LTF: variants seen among roughly 807,000 people sequenced by gnomAD.
The protein encoded by LTF is epididymis luminal protein 110.
LTF carries 91 observed loss-of-function variants against 87.2 expected under a neutral mutation model. The observed-to-expected ratio is 1.04, with a 90% CI of 0.88 to 1.24. The LOEUF (loss-of-function observed/expected upper bound fraction) is 1.24. Ranked by LOEUF, LTF falls within the 50% of genes most tolerant of loss-of-function variation. The pLI, the probability that LTF is intolerant of heterozygous loss-of-function variation, is 0.00. For missense variants in LTF, 901 were observed against 904.3 expected, an observed-to-expected ratio of 1.00 and a Z score of 0.05; for synonymous variants, 378 against 356.1, an observed-to-expected ratio of 1.06 and a Z score of -0.69.
At chr3:46,449,152 A>C in intron 8 of LTF, 135 bp from the exon 9 acceptor site, 2 of 723,138 alleles carry the variant, frequency 2.8e-6, no homozygotes, top group South Asian at 2.1e-5. Context: ...GTGGACCCAT[A>C]CCCTCTCCTC....
At chr3:46,441,511 A>G in intron 13 of LTF, 28 bp from the exon 14 acceptor site, 1 of 1,552,662 alleles carries the variant, frequency 6.4e-7, no homozygotes, top group Non-Finnish European at 8.9e-7. Flanking sequence ...ATATACACAT[A>G]ATTACAGAAG....
intron 1 of LTF, among the ~76,000 whole-genome samples, chr3:46,471,766 C>T (rs1703289728): frequency 6.6e-6 from 1 of 152,222 alleles, no homozygotes; most frequent in South Asian, 2.1e-4. Context: ...TGCAGAGAAG[C>T]TGGGACCTAC....
At chr3:46,439,203 G>C (rs1183781889) in intron 15 of LTF, 93 bp downstream of exon 15, 2 of 1,217,922 alleles carry the variant, frequency 1.6e-6, no homozygotes, top group African/African-American at 1.5e-5. Context: ...GACTAGAGAG[G>C]ATCGAGTGGG....
chr3:46,443,659 A>T (rs2106842231), intron 12 of LTF, 77 bp from the exon 13 acceptor site: 1 of 1,501,598 alleles, frequency 6.7e-7, no homozygotes, highest in African/African-American at 1.4e-5. Flanking sequence ...CAGCCGATGC[A>T]GGGTGGTTTC....
intron 2 of LTF, 141 bp downstream of exon 2, chr3:46,459,515 C>T: frequency 4.0e-6 from 3 of 743,148 alleles, no homozygotes; most frequent in South Asian, 9.9e-5. Flanking sequence ...TAGCACAGTT[C>T]CCTGTGAGAG....
intron 12 of LTF, among the ~76,000 whole-genome samples, chr3:46,444,298 C>G (rs1702593609): frequency 6.6e-6 from 1 of 152,196 alleles, no homozygotes; most frequent in African/African-American, 2.4e-5. Context: ...CATACCAGCC[C>G]TAGGCAAACC....
intron 12 of LTF, among the ~76,000 whole-genome samples, chr3:46,444,628 G>A (rs761516152): frequency 4.6e-5 from 7 of 152,208 alleles, no homozygotes; most frequent in Non-Finnish European, 1.0e-4. Flanking sequence ...CCACGTGAAA[G>A]CTGCCTGCCC....
At chr3:46,483,326 T>C (rs1703475842) in intron 1 of LTF, among the ~76,000 whole-genome samples, 1 of 152,192 alleles carries the variant, frequency 6.6e-6, no homozygotes, top group Non-Finnish European at 1.5e-5. Flanking sequence ...TGCATACATG[T>C]GTACACCAAA....
At chr3:46,468,031 G>T (rs550454498), upstream of LTF, among the ~76,000 whole-genome samples, 1 of 152,110 alleles carries the variant, frequency 6.6e-6, no homozygotes, top group Non-Finnish European at 1.5e-5. Flanking sequence ...CCAAAGAGCC[G>T]CAGAGGCACC....
At chr3:46,455,148 C>A (rs374001852) in intron 5 of LTF, 147 bp downstream of exon 5, 1 of 964,394 alleles carries the variant, frequency 1.0e-6, no homozygotes, top group East Asian at 2.5e-5. Context: ...CAGGCCTGCA[C>A]TCTCTTTGGA....
At chr3:46,447,466 T>C in intron 9 of LTF, 68 bp from the exon 10 acceptor site, 5 of 1,079,148 alleles carry the variant, frequency 4.6e-6, no homozygotes, top group Non-Finnish European at 7.2e-6. Flanking sequence ...TCTATATAGC[T>C]CTCTGAGAGA....
chr3:46,464,472 C>T (rs1703163180), intron 1 of LTF, among the ~76,000 whole-genome samples: 1 of 152,204 alleles, frequency 6.6e-6, no homozygotes, highest in South Asian at 2.1e-4. Flanking sequence ...TTGAGCTAGT[C>T]GCTCACCCTC....
chr3:46,468,668 A>G (rs1703246299), upstream of LTF, among the ~76,000 whole-genome samples: 1 of 152,240 alleles, frequency 6.6e-6, no homozygotes, highest in Non-Finnish European at 1.5e-5. Flanking sequence ...AGATCTGAGT[A>G]GAACTGGCTT....
chr3:46,453,073 C>G (rs1035451894), intron 6 of LTF, among the ~76,000 whole-genome samples: 1 of 152,150 alleles, frequency 6.6e-6, no homozygotes. Flanking sequence ...AGTTTAAAAT[C>G]AGCAATAGTT....
intron 12 of LTF, among the ~76,000 whole-genome samples, chr3:46,444,023 T>C (rs924453078): frequency 2.0e-5 from 3 of 152,238 alleles, no homozygotes; most frequent in Non-Finnish European, 4.4e-5. Context: ...GGGGCTCATA[T>C]GGCCATATGG....
In LTF at chr3:46,439,441, G is replaced by C. The variant is rs1193733297; in HGVS notation, c.1763C>G (p.Ala588Gly). ...NEAWAKDLKL[A>G]DFALLCLDGK... is the part of the protein sequence containing the mutation. ...ATCGAGGCACAGCAGCGCAAAGTCT[G>C]CCAGCTTCAAATCCTTAGCCCATGC... Residue 588 changes from alanine (A) to glycine (G), a missense_variant, in exon 15 of 17, where the codon GCA becomes GGA. By Grantham distance (60) the Ala-to-Gly change is moderately conservative (BLOSUM62 0). Coordinates refer to ENST00000231751, the MANE Select transcript of LTF (RefSeq NM_002343.6). 1.2e-6 allele frequency: 2 copies of C among 1,613,756 alleles called. No individual in the cohort carries two copies. Among genetic ancestry groups the C allele is most frequent in the East Asian group, 4.5e-5 (2 of 44,864 alleles).
chr3:46,447,457 C>A, intron 9 of LTF, 59 bp from the exon 10 acceptor site: 4 of 1,143,874 alleles, frequency 3.5e-6, no homozygotes, highest in South Asian at 1.2e-5. Flanking sequence ...TCCTGCCTGT[C>A]TATATAGCTC....
chr3:46,464,946 G>GC, upstream of LTF: 1 of 1,464,752 alleles, frequency 6.8e-7, no homozygotes, highest in Non-Finnish European at 9.5e-7. Flanking sequence ...TCAGGGCTTT[G>GC]CCCCGCCCTG....
At chr3:46,483,051 A>G (rs947747589) in intron 1 of LTF, among the ~76,000 whole-genome samples, 7 of 152,254 alleles carry the variant, frequency 4.6e-5, no homozygotes, top group African/African-American at 1.4e-4. Context: ...AGCTGCTGAC[A>G]TGGATGGGTG....
Sources: gnomAD v4.1 joint callset for allele counts (sites outside exome capture counted in the v4.1 genomes callset) on GRCh38, gnomAD v4.1.1 for gene constraint, MANE v1.5 for transcripts, NCBI Gene and HGNC (gene_info 2026-07-23, HGNC 2026-07-21) for gene names.